The following CADM2 variants were observed in gnomAD, a reference collection of about 807,000 sequenced individuals.
CADM2 encodes cell adhesion molecule 2, also known as immunoglobulin superfamily member 4D.
A neutral mutation model predicts 49.8 loss-of-function variants in CADM2; 12 were observed. That is an observed-to-expected ratio of 0.24 (90% CI 0.15 to 0.39). The LOEUF is 0.39. Ranked by LOEUF, CADM2 falls within the 10% of genes least tolerant of loss-of-function variation. The probability of loss-of-function intolerance (pLI) is 1.00; values close to 1 mark genes in which losing one functional copy is unlikely to be tolerated. For missense variants in CADM2, 378 were observed against 492.3 expected, an observed-to-expected ratio of 0.77 and a Z score of 2.20; for synonymous variants, 214 against 175.4, an observed-to-expected ratio of 1.22 and a Z score of -1.74.
chr3:85,450,997 T>A, intron 1 of CADM2, among the ~76,000 whole-genome samples: 1 of 152,092 alleles, frequency 6.6e-6, no homozygotes, highest in East Asian at 1.9e-4. Flanking sequence ...ACTCATTTAA[T>A]ATGATTTTGA....
At chr3:85,529,303 T>C (rs1231353519) in intron 1 of CADM2, among the ~76,000 whole-genome samples, 1 of 152,156 alleles carries the variant, frequency 6.6e-6, no homozygotes, top group Non-Finnish European at 1.5e-5. Flanking sequence ...TCCCTTAAAG[T>C]TGACATCTTC....
chr3:85,443,689 T>C (rs1454245935), intron 1 of CADM2, among the ~76,000 whole-genome samples: 1 of 152,198 alleles, frequency 6.6e-6, no homozygotes, highest in Non-Finnish European at 1.5e-5. Flanking sequence ...TACTGCAATG[T>C]ACCTGGCTGC....
At chr3:86,060,243 A>G (rs1229158642) in intron 8 of CADM2, among the ~76,000 whole-genome samples, 1 of 152,100 alleles carries the variant, frequency 6.6e-6, no homozygotes, top group African/African-American at 2.4e-5. Flanking sequence ...AAGGAAAGAG[A>G]AAATGGCCTA....
intron 1 of CADM2, among the ~76,000 whole-genome samples, chr3:85,397,933 T>C (rs1266178687): frequency 6.6e-6 from 1 of 152,186 alleles, no homozygotes; most frequent in African/African-American, 2.4e-5. Flanking sequence ...TTTCAAAACT[T>C]AGACTGCATA....
chr3:85,619,660 T>C (rs2063910273), intron 1 of CADM2, among the ~76,000 whole-genome samples: 1 of 152,200 alleles, frequency 6.6e-6, no homozygotes, highest in South Asian at 2.1e-4. Context: ...AGGATTAAGA[T>C]ATTCTGAGAA....
chr3:85,739,671 A>G (rs1189167698), intron 2 of CADM2, among the ~76,000 whole-genome samples: 3 of 152,122 alleles, frequency 2.0e-5, no homozygotes, highest in Non-Finnish European at 4.4e-5. Context: ...AAGATAATAA[A>G]AACTATTTTA....
intron 3 of CADM2, among the ~76,000 whole-genome samples, chr3:85,834,491 A>T (rs190319284): frequency 5.4e-4 from 82 of 151,808 alleles, no homozygotes; most frequent in African/African-American, 1.9e-3. Flanking sequence ...CTTCCTAATC[A>T]CATTTCCTAT....
intron 1 of CADM2, among the ~76,000 whole-genome samples, chr3:85,006,703 A>G (rs2033747098): frequency 6.6e-6 from 1 of 152,158 alleles, no homozygotes; most frequent in Non-Finnish European, 1.5e-5. Flanking sequence ...ACTTTGAAAT[A>G]TATAATCTCA....
intron 1 of CADM2, among the ~76,000 whole-genome samples, chr3:85,368,456 A>G (rs972092944): frequency 2.0e-5 from 3 of 151,704 alleles, no homozygotes; most frequent in African/African-American, 7.3e-5. Flanking sequence ...TAGCATAAGC[A>G]GTTGGTATCA....
At chr3:85,355,074 G>T (rs911105175) in intron 1 of CADM2, among the ~76,000 whole-genome samples, 1 of 152,040 alleles carries the variant, frequency 6.6e-6, no homozygotes, top group East Asian at 1.9e-4. Flanking sequence ...GTAAGGTAGA[G>T]GTTGCAAAAA....
At chr3:85,729,411 T>C (rs540270758) in intron 2 of CADM2, among the ~76,000 whole-genome samples, 11 of 152,108 alleles carry the variant, frequency 7.2e-5, no homozygotes, top group Non-Finnish European at 1.6e-4. Flanking sequence ...CCAACCTGTC[T>C]CACTATTGTT....
At chr3:85,158,033 C>T (rs568063571) in intron 1 of CADM2, among the ~76,000 whole-genome samples, 35 of 152,268 alleles carry the variant, frequency 2.3e-4, no homozygotes, top group Middle Eastern at 3.4e-3. Flanking sequence ...CGGCGAAGGA[C>T]ATGAACAGAC....
chr3:84,987,434 T>C (rs1242736621), intron 1 of CADM2, among the ~76,000 whole-genome samples: 1 of 152,158 alleles, frequency 6.6e-6, no homozygotes, highest in Non-Finnish European at 1.5e-5. Flanking sequence ...TCCAATTCTC[T>C]TCCAAAAATT....
intron 1 of CADM2, among the ~76,000 whole-genome samples, chr3:85,444,748 A>G (rs891013391): frequency 6.6e-6 from 1 of 152,102 alleles, no homozygotes; most frequent in African/African-American, 2.4e-5. Context: ...AAGCTCCATG[A>G]ATGTCAGACT....
chr3:84,972,582 G>A (rs993057500), intron 1 of CADM2, among the ~76,000 whole-genome samples: 1 of 152,092 alleles, frequency 6.6e-6, no homozygotes, highest in Non-Finnish European at 1.5e-5. Context: ...TGATTCCTTT[G>A]TCATTTTTAT....
At chr3:85,398,787 G>A (rs1189731566) in intron 1 of CADM2, among the ~76,000 whole-genome samples, 1 of 152,278 alleles carries the variant, frequency 6.6e-6, no homozygotes, top group Non-Finnish European at 1.5e-5. Context: ...TGTGTCTGTT[G>A]GCTGCATAAA....
At chr3:85,721,040 T>C (rs763343052) in intron 1 of CADM2, among the ~76,000 whole-genome samples, 1 of 152,156 alleles carries the variant, frequency 6.6e-6, no homozygotes, top group Non-Finnish European at 1.5e-5. Flanking sequence ...AGAAGTGTGT[T>C]TTTTCTCTGT....
intron 1 of CADM2, among the ~76,000 whole-genome samples, chr3:85,354,491 C>G (rs997821991): frequency 6.6e-6 from 1 of 151,316 alleles, no homozygotes; most frequent in Non-Finnish European, 1.5e-5. Flanking sequence ...TACCCTAAAA[C>G]TTAAAGTATA....
chr3:85,464,654 A>G (rs1576603090), intron 1 of CADM2, among the ~76,000 whole-genome samples: 1 of 152,234 alleles, frequency 6.6e-6, no homozygotes, highest in East Asian at 1.9e-4. Flanking sequence ...GTTTATATGA[A>G]GATACAATTC....
Sources: allele counts gnomAD v4.1 joint callset (sites outside exome capture counted in the v4.1 genomes callset), GRCh38; gene constraint gnomAD v4.1.1; transcripts MANE v1.5; gene names NCBI Gene and HGNC (gene_info 2026-07-23, HGNC 2026-07-21).